SPMIP8: variants seen among roughly 807,000 people sequenced by gnomAD.
SPMIP8 encodes the protein sperm microtubule inner protein 8, also known as testicular tissue protein Li 196.
chr16:57,985,090 T>A, the SPMIP8 span: 1 of 1,104,722 alleles, frequency 9.1e-7, no homozygotes, highest in Non-Finnish European at 1.2e-6. Flanking sequence ...TCCGTACACG[T>A]GTGGGTGGGG....
the SPMIP8 span, among the ~76,000 whole-genome samples, chr16:57,983,736 C>CTAG: frequency 6.6e-6 from 1 of 152,162 alleles, no homozygotes. Context: ...CTTAGCCTCC[C>CTAG]TAGTAGCTGG....
At chr16:57,982,553 T>G in the SPMIP8 span, among the ~76,000 whole-genome samples, 1 of 152,216 alleles carries the variant, frequency 6.6e-6, no homozygotes, top group Non-Finnish European at 1.5e-5. Context: ...ATCACCAGGT[T>G]AAACACTGCT....
chr16:57,982,266 A>T, the SPMIP8 span, among the ~76,000 whole-genome samples: 1 of 152,308 alleles, frequency 6.6e-6, no homozygotes, highest in East Asian at 1.9e-4. Context: ...AATCTCCCCA[A>T]TTGCCCTCAA....
chr16:57,985,079 C>A, the SPMIP8 span: 3 of 1,179,654 alleles, frequency 2.5e-6, no homozygotes, highest in Non-Finnish European at 3.4e-6. Flanking sequence ...GGGACCTGTT[C>A]TCCGTACACG....
chr16:57,979,734 C>T, the SPMIP8 span, among the ~76,000 whole-genome samples: 2 of 151,976 alleles, frequency 1.3e-5, no homozygotes, highest in East Asian at 3.9e-4. Flanking sequence ...TGTTATTTTG[C>T]TCCCCAACTT....
the SPMIP8 span, among the ~76,000 whole-genome samples, chr16:57,978,982 T>C: frequency 6.6e-6 from 1 of 151,976 alleles, no homozygotes; most frequent in South Asian, 2.1e-4. Context: ...GTCATAACAG[T>C]AGTAACTTCT....
chr16:57,985,419 G>C, the SPMIP8 span: 1 of 1,612,860 alleles, frequency 6.2e-7, no homozygotes. Context: ...CCTGTGTGGG[G>C]CGTGGGCAGG....
chr16:57,978,596 T>C, the SPMIP8 span, among the ~76,000 whole-genome samples: 1 of 152,038 alleles, frequency 6.6e-6, no homozygotes, highest in Admixed American at 6.6e-5. Flanking sequence ...CAAAAAGTAT[T>C]GCTGATGCCA....
the SPMIP8 span, among the ~76,000 whole-genome samples, chr16:57,983,672 C>T: frequency 4.8e-4 from 73 of 152,166 alleles, no homozygotes; most frequent in African/African-American, 1.6e-3. Context: ...AGTGCAGTGG[C>T]GCAATCTCAG....
chr16:57,977,854 G>T, the SPMIP8 span: 2 of 1,613,982 alleles, frequency 1.2e-6, no homozygotes, highest in Non-Finnish European at 1.7e-6. Flanking sequence ...TGGGACGATG[G>T]CTCCACACAT....
At chr16:57,980,215 G>A in the SPMIP8 span, among the ~76,000 whole-genome samples, 1 of 152,220 alleles carries the variant, frequency 6.6e-6, no homozygotes, top group Non-Finnish European at 1.5e-5. Context: ...GGTTGGGTAA[G>A]AGCTTTATGT....
the SPMIP8 span, among the ~76,000 whole-genome samples, chr16:57,982,313 C>A: frequency 6.6e-6 from 1 of 152,158 alleles, no homozygotes; most frequent in South Asian, 2.1e-4. Flanking sequence ...TTTTTTGGAA[C>A]AAGAATTCAA....
chr16:57,984,445 C>T, the SPMIP8 span: 1 of 1,572,632 alleles, frequency 6.4e-7, no homozygotes, highest in Non-Finnish European at 8.7e-7. Context: ...CTACACCCCG[C>T]GCACCTTCTC....
chr16:57,981,794 C>T, the SPMIP8 span, among the ~76,000 whole-genome samples: 3 of 152,104 alleles, frequency 2.0e-5, no homozygotes, highest in African/African-American at 4.8e-5. Flanking sequence ...GCGTAGCCAC[C>T]GCACCTGGCC....
the SPMIP8 span, chr16:57,987,017 C>A: frequency 5.4e-6 from 1 of 185,900 alleles, no homozygotes; most frequent in Non-Finnish European, 1.1e-5. Context: ...CCCTGAGTAT[C>A]GAGTGCAATA....
At chr16:57,984,845 A>T in the SPMIP8 span, 1 of 1,561,198 alleles carries the variant, frequency 6.4e-7, no homozygotes, top group South Asian at 1.2e-5. Flanking sequence ...ACTGCCGGGC[A>T]GGTGGGCCGC....
At chr16:57,979,644 C>T in the SPMIP8 span, among the ~76,000 whole-genome samples, 3 of 151,774 alleles carry the variant, frequency 2.0e-5, no homozygotes, top group Admixed American at 6.6e-5. Context: ...CCACTGCCCC[C>T]GCATACAGGT....
the SPMIP8 span, chr16:57,976,676 C>T: frequency 1.6e-5 from 25 of 1,605,576 alleles, no homozygotes; most frequent in South Asian, 4.4e-5. Flanking sequence ...TCCCCATATC[C>T]GTGATCCCCC....
chr16:57,981,398 T>TATTATAATAATAATAATAATA, the SPMIP8 span, among the ~76,000 whole-genome samples: 1 of 139,030 alleles, frequency 7.2e-6, no homozygotes, highest in African/African-American at 2.7e-5. Flanking sequence ...TAATAATTAT[T>TATTATAATAATAATAATAATA]ATTATTATAA....
Sources: allele counts gnomAD v4.1 joint callset (sites outside exome capture counted in the v4.1 genomes callset), GRCh38; gene constraint gnomAD v4.1.1; transcripts MANE v1.5; gene names NCBI Gene and HGNC (gene_info 2026-07-23, HGNC 2026-07-21).